The following POLR3B variants were observed in gnomAD, a reference collection of about 807,000 sequenced individuals.
POLR3B encodes the protein RNA polymerase III subunit B, also known as DNA-directed RNA polymerase III subunit RPC2.
A neutral mutation model predicts 147.4 loss-of-function variants in POLR3B; 96 were observed. That is an observed-to-expected ratio of 0.65 (90% CI 0.55 to 0.77). The LOEUF (loss-of-function observed/expected upper bound fraction) is 0.77. Among genes scored for constraint, POLR3B ranks in the 30% least tolerant of loss-of-function variants. The probability of loss-of-function intolerance (pLI) is 0.00; values close to 1 mark genes in which losing one functional copy is unlikely to be tolerated. For synonymous variants in POLR3B, 461 were observed against 485.9 expected (o/e 0.95, Z 0.67); for missense variants, 1,036 against 1,413.5 (o/e 0.73, Z 4.28).
chr12:106,451,913 A>G (rs911308928), intron 19 of POLR3B, among the ~76,000 whole-genome samples: 11 of 152,164 alleles, frequency 7.2e-5, no homozygotes, highest in African/African-American at 2.4e-4. Flanking sequence ...CTTAGTAAGT[A>G]AAGGGAATCA....
At chr12:106,458,626 G>A (rs1253364350) in intron 21 of POLR3B, among the ~76,000 whole-genome samples, 1 of 152,110 alleles carries the variant, frequency 6.6e-6, no homozygotes, top group Non-Finnish European at 1.5e-5. Flanking sequence ...GGCGGTGAAT[G>A]CTTTATCAAG....
intron 12 of POLR3B, among the ~76,000 whole-genome samples, chr12:106,418,107 G>A (rs1325187100): frequency 6.6e-6 from 1 of 152,194 alleles, no homozygotes; most frequent in Non-Finnish European, 1.5e-5. Flanking sequence ...GGTTCACAGA[G>A]CTTTCCTTCA....
chr12:106,379,112 C>G (rs917505501), intron 8 of POLR3B, among the ~76,000 whole-genome samples: 1 of 152,170 alleles, frequency 6.6e-6, no homozygotes, highest in Non-Finnish European at 1.5e-5. Context: ...AGGCAAAATA[C>G]TAGGTATATT....
At position 106,447,924 on chromosome 12, in the gene POLR3B, G is replaced by C. The variant is rs144480337; in HGVS notation, c.2083+3334G>C. 5.7e-3 allele frequency among the ~76,000 whole-genome samples: 874 copies of C among 152,174 alleles called. 22 individuals carry two copies. The East Asian group carries it at 0.062, about 11-fold the overall frequency. On this transcript the variant is annotated intron_variant, in intron 19 of 27. Coordinates refer to ENST00000228347, the MANE Select transcript of POLR3B (RefSeq NM_018082.6). ...CTAAGTAGATAGTTTCTTCCTTTAT[G>C]TTCCGCACTTTACAGTAGGCTGAGA... is the stretch of plus-strand genomic sequence containing the variant.
At chr12:106,470,651 CT>C (rs531718534) in intron 23 of POLR3B, among the ~76,000 whole-genome samples, 31 of 152,032 alleles carry the variant, frequency 2.0e-4, no homozygotes, top group Non-Finnish European at 2.9e-4. Flanking sequence ...TCTGGATGTC[CT>C]TTTTGTTGAC....
At chr12:106,366,444 A>G (rs2136882798) in intron 2 of POLR3B, 72 bp from the exon 3 acceptor site, 2 of 923,566 alleles carry the variant, frequency 2.2e-6, no homozygotes, top group Non-Finnish European at 3.6e-6. Flanking sequence ...TATATGATCT[A>G]TTATTTGAGC....
intron 21 of POLR3B, among the ~76,000 whole-genome samples, chr12:106,458,246 T>C (rs1465530759): frequency 6.6e-6 from 1 of 152,032 alleles, no homozygotes; most frequent in Non-Finnish European, 1.5e-5. Flanking sequence ...TTCAACCTCC[T>C]GTATAGCTGG....
intron 2 of POLR3B, among the ~76,000 whole-genome samples, chr12:106,364,764 T>C (rs191381529): frequency 3.3e-5 from 5 of 152,332 alleles, no homozygotes; most frequent in Non-Finnish European, 7.3e-5. Flanking sequence ...GAGTATTATT[T>C]GGCAATAAAA....
chr12:106,376,547 T>C (rs1450518084), intron 7 of POLR3B, 97 bp downstream of exon 7: 1 of 855,516 alleles, frequency 1.2e-6, no homozygotes, highest in Non-Finnish European at 2.0e-6. Context: ...GTACCAGCTT[T>C]TCTACTTTAT....
At chr12:106,466,574 TATG>T (rs902318983) in intron 23 of POLR3B, among the ~76,000 whole-genome samples, 1 of 152,244 alleles carries the variant, frequency 6.6e-6, no homozygotes, top group Non-Finnish European at 1.5e-5. Context: ...CTAGGATTTT[TATG>T]ATCCTAGGTC....
intron 10 of POLR3B, among the ~76,000 whole-genome samples, chr12:106,403,814 G>T (rs984820931): frequency 9.2e-6 from 1 of 108,932 alleles, no homozygotes; most frequent in African/African-American, 3.5e-5. Flanking sequence ...CTGTTGTGGG[G>T]TGGGGGGAGG....
chr12:106,421,446 T>A (rs2037372739), intron 12 of POLR3B, among the ~76,000 whole-genome samples: 1 of 152,158 alleles, frequency 6.6e-6, no homozygotes, highest in South Asian at 2.1e-4. Flanking sequence ...ATCAAACTTT[T>A]AAGTTTTTGT....
At chr12:106,490,290 A>G (rs1350235164) in intron 23 of POLR3B, among the ~76,000 whole-genome samples, 1 of 152,134 alleles carries the variant, frequency 6.6e-6, no homozygotes, top group Non-Finnish European at 1.5e-5. Context: ...TCCTATGGTT[A>G]TTGTTTTACA....
At chr12:106,453,925 T>G (rs748556910) in intron 19 of POLR3B, among the ~76,000 whole-genome samples, 2 of 152,132 alleles carry the variant, frequency 1.3e-5, no homozygotes, top group Non-Finnish European at 2.9e-5. Context: ...TGGCACAGAG[T>G]AGATGTTTAT....
intron 11 of POLR3B, among the ~76,000 whole-genome samples, chr12:106,409,673 G>GT (rs60188511): frequency 0.047 from 6,511 of 140,012 alleles, 314 homozygotes; most frequent in African/African-American, 0.12. Context: ...ATGCTTGCTT[G>GT]TTTTTTTTTT....
At position 106,430,281 on chromosome 12, in the gene POLR3B, G is replaced by A. The variant is rs1434347449; in HGVS notation, c.1272G>A (p.Trp424Ter). ...CTTTCATCTCCCTACAGGGAAATTG[G>A]TCTTTAAAGAGATTTAAAATGGACC... The part of the protein sequence containing the change: ...GMVNAISTGN[W>*]SLKRFKMDRQ... Residue 424 changes from tryptophan (W) to a stop codon, truncating the protein, a stop_gained, in exon 14 of 28, where the codon TGG becomes TGA. Transcript: ENST00000228347. LOFTEE classifies it high-confidence loss of function. 2 of 1,613,320 alleles carry A rather than the reference G, an allele frequency of 1.2e-6. No individual in the cohort carries two copies. Among genetic ancestry groups the A allele is most frequent in the Non-Finnish European group, 8.5e-7 (1 of 1,179,304 alleles).
At chr12:106,362,324 AT>A (rs1379399825) in intron 1 of POLR3B, among the ~76,000 whole-genome samples, 1 of 151,642 alleles carries the variant, frequency 6.6e-6, no homozygotes, top group Non-Finnish European at 1.5e-5. Context: ...AGAGAGAGGA[AT>A]TTGAAGATGT....
intron 10 of POLR3B, among the ~76,000 whole-genome samples, chr12:106,402,910 A>G (rs1314509228): frequency 6.6e-6 from 1 of 152,328 alleles, no homozygotes; most frequent in East Asian, 1.9e-4. Context: ...CAGGGACTTC[A>G]TGTCTAAAAC....
intron 19 of POLR3B, among the ~76,000 whole-genome samples, chr12:106,446,086 C>T (rs1420465941): frequency 6.6e-6 from 1 of 152,180 alleles, no homozygotes; most frequent in Non-Finnish European, 1.5e-5. Context: ...GCGGTGTAGG[C>T]TGATTTCCCG....
Sources: allele counts gnomAD v4.1 joint callset (sites outside exome capture counted in the v4.1 genomes callset), GRCh38; gene constraint gnomAD v4.1.1; transcripts MANE v1.5; gene names NCBI Gene and HGNC (gene_info 2026-07-23, HGNC 2026-07-21).